The following DYNC2H1 variants were observed in gnomAD, a reference collection of about 807,000 sequenced individuals.
DYNC2H1 encodes the protein dynein cytoplasmic 2 heavy chain 1, also known as cytoplasmic dynein 2 heavy chain 1.
A neutral mutation model predicts 570.0 loss-of-function variants in DYNC2H1; 410 were observed. That is an observed-to-expected ratio of 0.72 (90% CI 0.66 to 0.78). DYNC2H1 has a LOEUF of 0.78. DYNC2H1 is among the 30% of genes least tolerant of loss of function. DYNC2H1 has a pLI of 0.00. For missense variants in DYNC2H1, 4,865 were observed against 5,046.4 expected, an observed-to-expected ratio of 0.96 and a Z score of 1.09; for synonymous variants, 1,688 against 1,677.6, an observed-to-expected ratio of 1.01 and a Z score of -0.15.
chr11:103,179,118 A>C lies in DYNC2H1; in HGVS notation c.6232A>C (p.Met2078Leu), dbSNP rs767227764. 8 of 1,613,238 alleles carry C rather than the reference A, an allele frequency of 5.0e-6. 1 individual carries two copies. In the South Asian group the frequency reaches 5.5e-5, roughly 11 times the overall value. Residue 2078 changes from methionine to leucine, a missense_variant, in exon 39 of 89, where the codon ATG becomes CTG. Physicochemically the swap from Met to Leu is conservative, Grantham distance 15. Coordinates refer to ENST00000375735, the MANE Select transcript of DYNC2H1 (RefSeq NM_001377.3). Reference sequence around the variant, plus strand: ...TCTGGATGATAATCGACTGCTGACTATGCCCAGTGGAGAAAGGATTCAGTT... The same window carrying C: ...TCTGGATGATAATCGACTGCTGACTCTGCCCAGTGGAGAAAGGATTCAGTT... Reference protein sequence around the residue: ...SVLDDNRLLTMPSGERIQFGP... With the variant: ...SVLDDNRLLTLPSGERIQFGP...
intron 58 of DYNC2H1, 99 bp from the exon 59 acceptor site, chr11:103,222,866 G>A (rs1020701753): frequency 6.8e-7 from 1 of 1,466,330 alleles, no homozygotes; most frequent in East Asian, 2.4e-5. Flanking sequence ...CTTTATTTGG[G>A]TCAAGTTAAT....
rs1467226032 is a variant in DYNC2H1 at position 103,145,658 on chromosome 11, A to G, written c.2703-2114A>G. 6.6e-6 allele frequency among the ~76,000 whole-genome samples: 1 copy of G among 152,250 alleles called. No individual in the cohort carries two copies. Among genetic ancestry groups the G allele is most frequent in the Non-Finnish European group, 1.5e-5 (1 of 68,046 alleles). On this transcript the variant is annotated intron_variant, in intron 18 of 88. Transcript: ENST00000375735. The surrounding 1 kb of genome is among the most constrained non-coding windows in gnomAD (Gnocchi z 4.2). Reference sequence around the variant, plus strand: ...TGTATTCATCTAAGTGAATACATACATATGCACATACAAACATACACATTT... The same window carrying G: ...TGTATTCATCTAAGTGAATACATACGTATGCACATACAAACATACACATTT...
At chr11:103,109,827 GCCAGAGGGACGTCGGGT>G (rs753527578) in intron 1 of DYNC2H1, 58 bp downstream of exon 1, 12 of 1,532,128 alleles carry the variant, frequency 7.8e-6, no homozygotes, top group Non-Finnish European at 9.7e-6. Flanking sequence ...CCCAGGCCCA[GCCAGAGGGACGTCGGGT>G]CACACTCTTT....
At chr11:103,128,478 T>G (rs542220468) in intron 12 of DYNC2H1, among the ~76,000 whole-genome samples, 1 of 152,322 alleles carries the variant, frequency 6.6e-6, no homozygotes, top group South Asian at 2.1e-4. Flanking sequence ...ATGTGGAATA[T>G]GAGAGAAGCA....
Position 103,455,272 on chromosome 11 carries a change from T to C in DYNC2H1, c.12543T>C (p.Asn4181=), listed in dbSNP as rs1241842910. 3.7e-6 allele frequency: 6 copies of C among 1,613,304 alleles called. No homozygotes were observed. The highest frequency in any genetic ancestry group is 5.1e-6 in the Non-Finnish European group (6 of 1,179,546). Residue 4181 remains asparagine (N), a synonymous_variant, in exon 86 of 89, where the codon AAT becomes AAC. Coordinates refer to ENST00000375735, the MANE Select transcript of DYNC2H1 (RefSeq NM_001377.3). Reference sequence around the variant, plus strand: ...TTTTCCATCCAGACACATTTCTTAATGCTCTTCGCCAGGAAACTGCAAGGT... The same window carrying C: ...TTTTCCATCCAGACACATTTCTTAACGCTCTTCGCCAGGAAACTGCAAGGT... The part of the protein sequence containing the change: ...SELFHPDTFL[N]ALRQETARAV...
At chr11:103,435,724 TTCA>T (rs1260879850) in intron 84 of DYNC2H1, among the ~76,000 whole-genome samples, 2 of 152,128 alleles carry the variant, frequency 1.3e-5, no homozygotes, top group African/African-American at 2.4e-5. Context: ...CCAGTTTAAG[TTCA>T]TCTTGTTATT....
intron 84 of DYNC2H1, chr11:103,404,221 T>A (rs1001687814): frequency 6.6e-6 from 1 of 151,818 alleles, no homozygotes; most frequent in Non-Finnish European, 1.5e-5. Flanking sequence ...TATGTAATGA[T>A]TTTACTAGTA....
chr11:103,456,540 A>G (rs150747358), intron 87 of DYNC2H1, among the ~76,000 whole-genome samples, 184 bp downstream of exon 87: 472 of 152,272 alleles, frequency 3.1e-3, no homozygotes, highest in Non-Finnish European at 5.5e-3. Context: ...GAAAATACAG[A>G]CTCTTCTTAT....
At chr11:103,343,578 G>A (rs1336541216) in intron 82 of DYNC2H1, among the ~76,000 whole-genome samples, 1 of 152,098 alleles carries the variant, frequency 6.6e-6, no homozygotes, top group East Asian at 1.9e-4. Flanking sequence ...CTGAAGCTAG[G>A]ATGTGGGGAG....
At chr11:103,338,608 A>G (rs1227348618) in intron 82 of DYNC2H1, among the ~76,000 whole-genome samples, 1 of 152,176 alleles carries the variant, frequency 6.6e-6, no homozygotes, top group Non-Finnish European at 1.5e-5. Context: ...TGCTGTTGAG[A>G]CACTGATGTA....
In DYNC2H1 at chr11:103,204,540, A is replaced by G. The variant is rs1430316384; in HGVS notation, c.8312-282A>G. On this transcript the variant is annotated intron_variant, in intron 51 of 88. Transcript: ENST00000375735. The surrounding 1 kb of genome is among the most constrained non-coding windows in gnomAD (Gnocchi z 4.1). ...GTTTTATATGCACTGTAGAAATCCA[A>G]AATTGAAATAAGTAAAAAATGAGGC... Among the ~76,000 whole-genome samples, 1 of 152,162 alleles carries G rather than the reference A, an allele frequency of 6.6e-6. No individual in the cohort carries two copies. The highest frequency in any genetic ancestry group is 2.4e-5 in the African/African-American group (1 of 41,456).
rs1351438529 is a variant in DYNC2H1 at position 103,241,061 on chromosome 11, C to G, written c.9820-2632C>G. On this transcript the variant is annotated intron_variant, in intron 63 of 88. Coordinates refer to ENST00000375735, the MANE Select transcript of DYNC2H1 (RefSeq NM_001377.3). This position sits in a 1 kb window ranked among gnomAD's most constrained non-coding sequence, Gnocchi z 5.1. ...TTTCTTTCTTCACTTCTTTGCCTAG[C>G]TGATCTCTCTTGTCTTAGTTTGACT... Among the ~76,000 whole-genome samples, 1 of 152,164 alleles carries G rather than the reference C, an allele frequency of 6.6e-6. No individual in the cohort carries two copies. The highest frequency in any genetic ancestry group is 1.5e-5 in the Non-Finnish European group (1 of 68,036).
rs1864590857 is a variant in DYNC2H1, at chr11:103,245,811, G to A, written c.10042+437G>A. Among the ~76,000 whole-genome samples the A allele has an allele frequency of 6.6e-6, 1 of 152,038 alleles. No individual in the cohort carries two copies. Among genetic ancestry groups the A allele is most frequent in the Non-Finnish European group, 1.5e-5 (1 of 67,966 alleles). ...GCCCTTTCTAAAGAGTCTCAGGATTGCTATGTTAATTCTTTTCTGCATAGG... is the reference window on the plus strand; with the variant it reads ...GCCCTTTCTAAAGAGTCTCAGGATTACTATGTTAATTCTTTTCTGCATAGG... On this transcript the variant is annotated intron_variant, in intron 65 of 88. Coordinates refer to ENST00000375735, the MANE Select transcript of DYNC2H1 (RefSeq NM_001377.3). The surrounding 1 kb of genome is among the most constrained non-coding windows in gnomAD (Gnocchi z 4.5).
intron 83 of DYNC2H1, among the ~76,000 whole-genome samples, chr11:103,373,927 G>A (rs1032189212): frequency 3.9e-5 from 6 of 151,996 alleles, no homozygotes; most frequent in East Asian, 1.9e-4. Context: ...CTCCTTTAGC[G>A]TTAATATAAT....
At chr11:103,469,592 G>A (rs775004638) in intron 88 of DYNC2H1, among the ~76,000 whole-genome samples, 5 of 152,114 alleles carry the variant, frequency 3.3e-5, no homozygotes, top group Admixed American at 6.6e-5. Flanking sequence ...CTTAAAAAGC[G>A]ATAGCAGTTA....
At chr11:103,355,574 T>C (rs978313397) in intron 82 of DYNC2H1, among the ~76,000 whole-genome samples, 1 of 152,202 alleles carries the variant, frequency 6.6e-6, no homozygotes, top group African/African-American at 2.4e-5. Flanking sequence ...TAAGATTTAG[T>C]GTCTTACAAT....
rs567462529 is a variant in DYNC2H1 at position 103,178,897 on chromosome 11, C to T, written c.6140-129C>T. ...TCTTTGGCCAGCTGAGCCAGGATTG[C>T]GCATGGGTTCTTCAGCATATTTGTA... On this transcript the variant is annotated intron_variant, in intron 38 of 88. Coordinates refer to ENST00000375735, the MANE Select transcript of DYNC2H1 (RefSeq NM_001377.3). The T allele has an allele frequency of 9.4e-5, 81 of 860,964 alleles. 2 individuals are homozygous for T. The South Asian group carries it at 1.0e-3, about 11-fold the overall frequency. 53.3% of individuals were successfully genotyped at this position (860,964 alleles called of 1,614,324 possible). A position where few individuals can be genotyped will look rare whatever the true frequency, so the allele number is the denominator to read the frequency against.
rs762100990 is a variant in DYNC2H1, at chr11:103,186,229, T to C, written c.6634-13T>C. The C allele has an allele frequency of 1.6e-5, 26 of 1,602,670 alleles. No individual in the cohort carries two copies. The highest frequency in any genetic ancestry group is 2.2e-5 in the Non-Finnish European group (26 of 1,173,022). On this transcript the variant is annotated splice_polypyrimidine_tract_variant and intron_variant, in intron 41 of 88. Coordinates refer to ENST00000375735, the MANE Select transcript of DYNC2H1 (RefSeq NM_001377.3). The surrounding 1 kb of genome is among the most constrained non-coding windows in gnomAD (Gnocchi z 4.5). Reference sequence around the variant, plus strand: ...GAGTATGTGAAAACTTATCACAATTTTTTCCTCTTAAGGTTTTTCATTGGG... The same window carrying C: ...GAGTATGTGAAAACTTATCACAATTCTTTCCTCTTAAGGTTTTTCATTGGG...
intron 82 of DYNC2H1, among the ~76,000 whole-genome samples, chr11:103,331,342 T>C (rs139661866): frequency 3.9e-5 from 6 of 152,182 alleles, no homozygotes; most frequent in South Asian, 2.1e-4. Context: ...GGAGCTTTTT[T>C]TGTACCAGAA....
Sources: gnomAD v4.1 joint callset for allele counts (sites outside exome capture counted in the v4.1 genomes callset) on GRCh38, gnomAD v4.1.1 for gene constraint, Gnocchi (gnomAD v3.1) non-coding constraint, MANE v1.5 for transcripts, NCBI Gene and HGNC (gene_info 2026-07-23, HGNC 2026-07-21) for gene names.